RBFOX1: variants seen among roughly 807,000 people sequenced by gnomAD.
RBFOX1 encodes the protein RNA binding protein fox-1 homolog 1.
In RBFOX1, 8 loss-of-function variants were observed where a neutral mutation model predicts 57.7. That is an observed-to-expected ratio of 0.14 (90% CI 0.08 to 0.25). The LOEUF (loss-of-function observed/expected upper bound fraction) is 0.25. Among genes scored for constraint, RBFOX1 ranks in the 10% least tolerant of loss-of-function variants. The pLI, the probability that RBFOX1 is intolerant of heterozygous loss-of-function variation, is 1.00. For synonymous variants in RBFOX1, 326 were observed against 222.4 expected (o/e 1.47, Z -4.15); for missense variants, 611 against 548.5 (o/e 1.11, Z -1.14).
rs114367716 is a variant in RBFOX1 at position 5,660,643 on chromosome 16, T to A, written c.318+61682T>A. 9.7e-3 allele frequency among the ~76,000 whole-genome samples: 1,479 copies of A among 152,288 alleles called. 23 individuals are homozygous for A. The highest frequency in any genetic ancestry group is 0.034 in the African/African-American group (1,410 of 41,550). On this transcript the variant is annotated intron_variant, in intron 3 of 19. Coordinates refer to the RBFOX1 transcript ENST00000641259. Reference sequence around the variant, plus strand: ...TTTTCACATTTCTTTCTCTGCACAGTTCATTATTTTTTTTTATATTTTCCA... The same window carrying A: ...TTTTCACATTTCTTTCTCTGCACAGATCATTATTTTTTTTTATATTTTCCA...
intron 4 of RBFOX1, among the ~76,000 whole-genome samples, chr16:7,175,903 C>T (rs1035879386): frequency 3.3e-5 from 5 of 151,998 alleles, no homozygotes; most frequent in Non-Finnish European, 7.4e-5. Flanking sequence ...CATATAAAGG[C>T]CCAAAGAAAC....
intron 3 of RBFOX1, among the ~76,000 whole-genome samples, chr16:6,991,052 A>G (rs1225605456): frequency 6.8e-6 from 1 of 147,070 alleles, no homozygotes; most frequent in Non-Finnish European, 1.5e-5. Context: ...CTGTAATTCC[A>G]GTACGTTGGG....
At chr16:5,914,222 T>C (rs2058661332) in intron 4 of RBFOX1, among the ~76,000 whole-genome samples, 2 of 152,218 alleles carry the variant, frequency 1.3e-5, no homozygotes, top group South Asian at 4.1e-4. Flanking sequence ...AGATGTCTTC[T>C]CACATGTATT....
chr16:6,266,629 C>A (rs2074533185), intron 1 of RBFOX1, among the ~76,000 whole-genome samples: 2 of 151,662 alleles, frequency 1.3e-5, no homozygotes, highest in Non-Finnish European at 2.9e-5. Flanking sequence ...CAGGAGAGTC[C>A]CTTGAACCCA....
chr16:5,241,989 C>T (rs2062179840), intron 1 of RBFOX1, among the ~76,000 whole-genome samples: 1 of 151,882 alleles, frequency 6.6e-6, no homozygotes, highest in East Asian at 1.9e-4. Flanking sequence ...GTGGTGTGTG[C>T]CTGCAGTCCC....
chr16:5,928,912 A>G (rs2058990499), intron 4 of RBFOX1, among the ~76,000 whole-genome samples: 1 of 151,966 alleles, frequency 6.6e-6, no homozygotes, highest in South Asian at 2.1e-4. Flanking sequence ...AGCTTTTGTA[A>G]TTGAAAACAG....
At chr16:5,390,143 C>G (rs991305126) in intron 1 of RBFOX1, among the ~76,000 whole-genome samples, 1 of 151,902 alleles carries the variant, frequency 6.6e-6, no homozygotes, top group Non-Finnish European at 1.5e-5. Flanking sequence ...GAAGTCGCAC[C>G]CAGGTTAGGA....
chr16:5,831,436 C>A lies in RBFOX1; in HGVS notation c.319-35867C>A, dbSNP rs190592011. ...AGAAGCTAAGCAGATGTTTGTATAT[C>A]CTGTAGAACTGTAAGCCAATTAAAC... On this transcript the variant is annotated intron_variant, in intron 3 of 19. Transcript: ENST00000641259. Among the ~76,000 whole-genome samples, 50 of 151,808 alleles carry A rather than the reference C, an allele frequency of 3.3e-4. 1 individual carries two copies. The highest frequency in any genetic ancestry group is 1.2e-3 in the African/African-American group (49 of 41,394).
At chr16:6,475,797 G>T (rs1045713376) in intron 2 of RBFOX1, among the ~76,000 whole-genome samples, 3 of 152,176 alleles carry the variant, frequency 2.0e-5, no homozygotes, top group Non-Finnish European at 4.4e-5. Flanking sequence ...AACTGGTAAA[G>T]AAGTAATATT....
At chr16:5,500,122 TTCCCTCC>T (rs1161620228) in intron 2 of RBFOX1, among the ~76,000 whole-genome samples, 1 of 117,710 alleles carries the variant, frequency 8.5e-6, no homozygotes, top group Non-Finnish European at 1.7e-5. Context: ...CCTTCCCTCC[TTCCCTCC>T]TTCCCTCCTT....
intron 2 of RBFOX1, among the ~76,000 whole-genome samples, chr16:6,569,489 C>G (rs533982320): frequency 4.6e-5 from 7 of 152,286 alleles, no homozygotes; most frequent in Admixed American, 3.9e-4. Flanking sequence ...CTTCCCATAG[C>G]TTATCCTTCA....
Position 5,336,627 on chromosome 16 carries a change from G to A in RBFOX1, c.219+96522G>A, listed in dbSNP as rs147461793. The stretch of plus-strand genomic sequence containing the variant: ...CTCTTGGCATCGTCTCTGAAGCAGG[G>A]TGTGCTTGGCTGCCCTTGGAGATAG... On this transcript the variant is annotated intron_variant, in intron 1 of 2. Coordinates refer to the RBFOX1 transcript ENST00000585867. 1.4e-4 allele frequency among the ~76,000 whole-genome samples: 22 copies of A among 152,300 alleles called. No individual in the cohort carries two copies. The East Asian group carries it at 4.3e-3, about 29-fold the overall frequency.
chr16:6,158,792 T>C (rs1481004967), intron 1 of RBFOX1, among the ~76,000 whole-genome samples: 1 of 152,182 alleles, frequency 6.6e-6, no homozygotes, highest in Non-Finnish European at 1.5e-5. Flanking sequence ...TCTGGGAAAC[T>C]GGGGAGAGGG....
intron 1 of RBFOX1, among the ~76,000 whole-genome samples, chr16:6,293,909 A>G (rs1227240754): frequency 8.1e-6 from 1 of 123,592 alleles, no homozygotes; most frequent in Non-Finnish European, 1.8e-5. Flanking sequence ...GGGGTGGTGG[A>G]AATAGACGAA....
At chr16:5,290,858 C>T (rs1435962904) in intron 1 of RBFOX1, among the ~76,000 whole-genome samples, 1 of 152,070 alleles carries the variant, frequency 6.6e-6, no homozygotes, top group African/African-American at 2.4e-5. Context: ...ACCACCACAC[C>T]TGGCTAATTT....
At chr16:6,988,743 G>GTT (rs1414416978) in intron 3 of RBFOX1, among the ~76,000 whole-genome samples, 10 of 41,774 alleles carry the variant, frequency 2.4e-4, no homozygotes, top group African/African-American at 5.2e-4. Context: ...TTTTTTTTTT[G>GTT]TTTGTTTGTT....
At chr16:7,015,436 T>G (rs898310240) in intron 3 of RBFOX1, among the ~76,000 whole-genome samples, 1 of 152,168 alleles carries the variant, frequency 6.6e-6, no homozygotes, top group Non-Finnish European at 1.5e-5. Flanking sequence ...CTGAATCTTC[T>G]GGAGTATAAG....
At chr16:5,707,767 C>A (rs1296430933) in intron 3 of RBFOX1, among the ~76,000 whole-genome samples, 1 of 152,022 alleles carries the variant, frequency 6.6e-6, no homozygotes, top group African/African-American at 2.4e-5. Context: ...ATTAGGAAAA[C>A]CTGTGTAAAG....
At position 6,577,693 on chromosome 16, in the gene RBFOX1, G is replaced by A. The variant is rs545583758; in HGVS notation, c.-63-76910G>A. 1.5e-4 allele frequency among the ~76,000 whole-genome samples: 23 copies of A among 152,258 alleles called. No homozygotes were observed. In the South Asian group the frequency reaches 4.6e-3, roughly 30 times the overall value. On this transcript the variant is annotated intron_variant, in intron 2 of 15. Transcript: ENST00000550418. ...ACATGGTCCCAGGGGAAGTCCACCT[G>A]GATGTCTCACAGTGGTAGTCAAGTG...
Sources: gnomAD v4.1 joint callset for allele counts (sites outside exome capture counted in the v4.1 genomes callset) on GRCh38, gnomAD v4.1.1 for gene constraint, MANE v1.5 for transcripts, NCBI Gene and HGNC (gene_info 2026-07-23, HGNC 2026-07-21) for gene names.